The following SS18 variants were observed in gnomAD, a reference collection of about 807,000 sequenced individuals.
The protein encoded by SS18 is SS18 subunit of BAF chromatin remodeling complex, also known as protein SSXT.
In SS18, 28 loss-of-function variants were observed where a neutral mutation model predicts 72.5. The ratio of observed to expected loss-of-function variants is 0.39; its 90% CI spans 0.29 to 0.53. The LOEUF (loss-of-function observed/expected upper bound fraction) is 0.53, where lower values mean the gene tolerates loss of function less well. Ranked by LOEUF, SS18 falls within the 20% of genes least tolerant of loss-of-function variation. SS18 has a pLI of 0.76. For synonymous variants in SS18, 172 were observed against 164.2 expected, an observed-to-expected ratio of 1.05 and a Z score of -0.37; for missense variants, 518 against 535.3, an observed-to-expected ratio of 0.97 and a Z score of 0.32.
chr18:26,021,139 T>C (rs1008494659), intron 10 of SS18, among the ~76,000 whole-genome samples: 2 of 152,206 alleles, frequency 1.3e-5, no homozygotes, highest in African/African-American at 4.8e-5. Flanking sequence ...AGGCTGTGTA[T>C]CTGCAACCAT....
chr18:26,056,781 A>G (rs1040393454), intron 4 of SS18, among the ~76,000 whole-genome samples: 1 of 152,226 alleles, frequency 6.6e-6, no homozygotes, highest in African/African-American at 2.4e-5. Context: ...TTAGAAGGTA[A>G]AAATATTCTG....
At chr18:26,027,983 TG>T (rs2053480433) in intron 10 of SS18, among the ~76,000 whole-genome samples, 1 of 151,942 alleles carries the variant, frequency 6.6e-6, no homozygotes, top group African/African-American at 2.4e-5. Flanking sequence ...TAGACTCTCC[TG>T]TCTTTGAAAG....
intron 4 of SS18, 54 bp from the exon 5 acceptor site, chr18:26,052,899 A>G: frequency 6.8e-7 from 1 of 1,469,712 alleles, no homozygotes; most frequent in Non-Finnish European, 9.4e-7. Flanking sequence ...GATGGTCCAT[A>G]CAAAAGTACC....
At position 26,035,605 on chromosome 18, in the gene SS18, A is replaced by G; in HGVS notation, c.973+226T>C. On this transcript the variant is annotated intron_variant, in intron 8 of 10. Transcript: ENST00000415083. This position sits in a 1 kb window ranked among gnomAD's most constrained non-coding sequence, Gnocchi z 4.4. The stretch of plus-strand genomic sequence containing the variant: ...TCCACTGAGGAAAAAATTATCTTTA[A>G]TGTTTTAGTCTTTTTATTATTGTTA... 2.6e-6 allele frequency: 1 copy of G among 377,728 alleles called. No individual in the cohort carries two copies. The allele number at this position is 377,728 out of a possible 1,614,324, so 23.4% of individuals were successfully genotyped here.
chr18:26,087,468 C>T lies in SS18; in HGVS notation c.146+33G>A. ...GTAAAAAATTAACCAATACAAAAAACTGAATAAAAAAAAAGTTTCTTATCA... is the reference window on the plus strand; with the variant it reads ...GTAAAAAATTAACCAATACAAAAAATTGAATAAAAAAAAAGTTTCTTATCA... On this transcript the variant is annotated intron_variant, in intron 2 of 10. Coordinates refer to ENST00000415083, the MANE Select transcript of SS18 (RefSeq NM_001007559.3). 1.6e-6 allele frequency: 2 copies of T among 1,288,392 alleles called. 1 individual carries two copies. 79.8% of individuals were successfully genotyped at this position (1,288,392 alleles called of 1,614,324 possible).
intron 3 of SS18, among the ~76,000 whole-genome samples, chr18:26,062,831 A>G (rs2054147665): frequency 6.6e-6 from 1 of 152,242 alleles, no homozygotes. Flanking sequence ...TTTAACAATC[A>G]TAAATGTGTA....
chr18:26,069,903 T>A (rs1201350143), intron 3 of SS18, among the ~76,000 whole-genome samples: 1 of 152,200 alleles, frequency 6.6e-6, no homozygotes, highest in African/African-American at 2.4e-5. Context: ...GTAACTAATA[T>A]GAAATTAAAA....
chr18:26,088,879 G>C (rs1338659341), intron 1 of SS18, among the ~76,000 whole-genome samples: 1 of 149,002 alleles, frequency 6.7e-6, no homozygotes, highest in Non-Finnish European at 1.5e-5. Context: ...TTCACTTACT[G>C]GGGGAAAAAA....
intron 5 of SS18, among the ~76,000 whole-genome samples, chr18:26,049,099 G>C (rs1598564713): frequency 6.6e-6 from 1 of 152,088 alleles, no homozygotes; most frequent in African/African-American, 2.4e-5. Flanking sequence ...TTTAACACAA[G>C]CACTGCAATT....
chr18:26,020,754 A>T (rs1044071185), intron 10 of SS18, among the ~76,000 whole-genome samples: 1 of 152,184 alleles, frequency 6.6e-6, no homozygotes, highest in Admixed American at 6.5e-5. Flanking sequence ...ATTAATTAGA[A>T]AAATATTCCC....
intron 10 of SS18, among the ~76,000 whole-genome samples, chr18:26,024,427 C>A (rs1480449649): frequency 6.6e-6 from 1 of 152,160 alleles, no homozygotes; most frequent in African/African-American, 2.4e-5. Flanking sequence ...TGGGTTCATG[C>A]AATCTTCTGC....
At chr18:26,077,663 T>G (rs1406107242) in intron 3 of SS18, among the ~76,000 whole-genome samples, 1 of 152,114 alleles carries the variant, frequency 6.6e-6, no homozygotes, top group African/African-American at 2.4e-5. Flanking sequence ...TGAAAATAAA[T>G]TGAATATTGT....
chr18:26,066,208 TA>T (rs962524586), intron 3 of SS18, among the ~76,000 whole-genome samples: 1 of 152,130 alleles, frequency 6.6e-6, no homozygotes, highest in African/African-American at 2.4e-5. Flanking sequence ...CCCATGATTA[TA>T]TTTGCTTATT....
intron 10 of SS18, among the ~76,000 whole-genome samples, chr18:26,020,706 TAA>T (rs1001621749): frequency 2.6e-5 from 4 of 152,064 alleles, no homozygotes; most frequent in African/African-American, 7.2e-5. Flanking sequence ...TTAGCAAACT[TAA>T]GAGAGTTCAG....
At chr18:26,074,535 A>G (rs2054374292) in intron 3 of SS18, among the ~76,000 whole-genome samples, 1 of 152,152 alleles carries the variant, frequency 6.6e-6, no homozygotes, top group East Asian at 1.9e-4. Flanking sequence ...AGAAACTTGC[A>G]AAAACGTAAC....
At position 26,018,303 on chromosome 18, in the gene SS18, G is replaced by T. The variant is rs369639822; in HGVS notation, c.*51C>A. 263 of 1,529,160 alleles carry T rather than the reference G, an allele frequency of 1.7e-4. 1 individual carries two copies. Among genetic ancestry groups the T allele is most frequent in the Non-Finnish European group, 2.1e-4 (236 of 1,104,602 alleles). The allele number at this position is 1,529,160 out of a possible 1,614,324, so 94.7% of individuals were successfully genotyped here. A position where few individuals can be genotyped will look rare whatever the true frequency, so the allele number is the denominator to read the frequency against. On this transcript the variant is annotated 3_prime_UTR_variant, in exon 11 of 11. Transcript: ENST00000415083. ...ACAGGGAGGTGTCCACAGTGCTGAG[G>T]TGACAATATGGCTGCTAATAGATAC...
intron 5 of SS18, among the ~76,000 whole-genome samples, chr18:26,047,602 G>C (rs1453129721): frequency 1.3e-5 from 2 of 151,994 alleles, no homozygotes. Flanking sequence ...AGCACTTTGG[G>C]AGGCCAAGGC....
intron 3 of SS18, among the ~76,000 whole-genome samples, chr18:26,059,114 T>C (rs1438455852): frequency 6.6e-6 from 1 of 152,214 alleles, no homozygotes; most frequent in Non-Finnish European, 1.5e-5. Flanking sequence ...ATCATTACTG[T>C]TACCACCATG....
rs187148656 is a variant in SS18, at chr18:26,044,951, T to A, written c.608-5495A>T. On this transcript the variant is annotated intron_variant, in intron 5 of 10. Transcript: ENST00000415083. The stretch of plus-strand genomic sequence containing the variant: ...ACATCTGTGAGAGGAACACAACACA[T>A]AGTGACTGTTCAAGGAGAGGACAAC... Among the ~76,000 whole-genome samples the A allele has an allele frequency of 3.9e-4, 60 of 152,314 alleles. 1 individual carries two copies. Among genetic ancestry groups the A allele is most frequent in the Admixed American group, 1.2e-3 (18 of 15,304 alleles).
Sources: allele counts gnomAD v4.1 joint callset (sites outside exome capture counted in the v4.1 genomes callset), GRCh38; gene constraint gnomAD v4.1.1; non-coding constraint Gnocchi (gnomAD v3.1); transcripts MANE v1.5; gene names NCBI Gene and HGNC (gene_info 2026-07-23, HGNC 2026-07-21).